The following TRIP12 variants were observed in gnomAD, a reference collection of about 807,000 sequenced individuals.
TRIP12 encodes thyroid hormone receptor interactor 12.
Under a neutral mutation model 244.2 loss-of-function variants are expected in TRIP12, and 25 were observed. The observed-to-expected ratio is 0.10, with a 90% CI of 0.07 to 0.14. TRIP12 has a LOEUF of 0.14. Ranked by LOEUF, TRIP12 falls within the 10% of genes least tolerant of loss-of-function variation. TRIP12 has a pLI of 1.00. For synonymous variants in TRIP12, 905 were observed against 873.1 expected, an observed-to-expected ratio of 1.04 and a Z score of -0.64; for missense variants, 1,677 against 2,486.4, an observed-to-expected ratio of 0.67 and a Z score of 6.92.
In TRIP12 at chr2:229,799,267, T is replaced by C; in HGVS notation, c.3307+16A>G. 6.2e-7 allele frequency: 1 copy of C among 1,612,288 alleles called. No individual in the cohort carries two copies. Among genetic ancestry groups the C allele is most frequent in the Non-Finnish European group, 8.5e-7 (1 of 1,178,320 alleles). ...CCCTCCCCTTTACCTCCCCATAGTTTCATCAAAGGGGTTACCTTGATTGTC... is the reference window on the plus strand; with the variant it reads ...CCCTCCCCTTTACCTCCCCATAGTTCCATCAAAGGGGTTACCTTGATTGTC... On this transcript the variant is annotated intron_variant, in intron 22 of 41. Transcript: ENST00000675903.
chr2:229,824,831 A>C (rs1362863519), intron 8 of TRIP12, among the ~76,000 whole-genome samples: 1 of 152,262 alleles, frequency 6.6e-6, no homozygotes, highest in Non-Finnish European at 1.5e-5. Context: ...TGAGAGGAAG[A>C]AGCAGGGAAA....
intron 1 of TRIP12, among the ~76,000 whole-genome samples, chr2:229,894,983 C>T (rs13014061): frequency 6.6e-6 from 1 of 152,010 alleles, no homozygotes; most frequent in Non-Finnish European, 1.5e-5. Flanking sequence ...AAATGCTACA[C>T]ATAATCTAAG....
At chr2:229,780,720 C>A (rs1202939468) in intron 34 of TRIP12, among the ~76,000 whole-genome samples, 1 of 152,218 alleles carries the variant, frequency 6.6e-6, no homozygotes, top group Non-Finnish European at 1.5e-5. Flanking sequence ...TCAGACTGCC[C>A]TACGCATCCC....
chr2:229,889,867 T>TG, intron 1 of TRIP12, among the ~76,000 whole-genome samples: 1 of 152,266 alleles, frequency 6.6e-6, no homozygotes, highest in Middle Eastern at 3.4e-3. Flanking sequence ...AGAAACCTCC[T>TG]GGCTAAGAAT....
Position 229,767,690 on chromosome 2 carries a change from T to C in TRIP12, c.6068A>G (p.Asn2023Ser), listed in dbSNP as rs1052204696. 1 of 1,614,022 alleles carries C rather than the reference T, an allele frequency of 6.2e-7. No homozygotes were observed. Among genetic ancestry groups the C allele is most frequent in the Admixed American group, 1.7e-5 (1 of 60,006 alleles). The part of the protein sequence containing the change: ...IVRKTFESTE[N>S]PDDFLPSVMT... ...TACAGAGGGCAAGAAGTCATCTGGG[T>C]TTTCTGTTGATTCAAACGTCTTTCG... Residue 2023 changes from asparagine to serine, a missense_variant, in exon 42 of 42, where the codon AAC becomes AGC. Coordinates refer to ENST00000675903, the MANE Select transcript of TRIP12 (RefSeq NM_001348323.3).
chr2:229,784,512 AG>A (rs2039379626), intron 34 of TRIP12, among the ~76,000 whole-genome samples: 2 of 84,276 alleles, frequency 2.4e-5, no homozygotes, highest in South Asian at 3.8e-4. Flanking sequence ...AGCACAAACA[AG>A]AAAAAAAAAA....
intron 4 of TRIP12, among the ~76,000 whole-genome samples, chr2:229,849,859 T>G (rs1470787557): frequency 1.3e-5 from 2 of 152,052 alleles, no homozygotes; most frequent in Non-Finnish European, 2.9e-5. Flanking sequence ...AAAAAAGGTC[T>G]TATATAACTC....
intron 27 of TRIP12, 78 bp from the exon 28 acceptor site, chr2:229,792,304 A>G (rs2041741544): frequency 7.5e-7 from 1 of 1,336,016 alleles, no homozygotes; most frequent in African/African-American, 1.5e-5. Flanking sequence ...CACACTGGTT[A>G]AACATATTCT....
At chr2:229,901,643 G>A (rs986230649) in intron 1 of TRIP12, among the ~76,000 whole-genome samples, 45 of 149,876 alleles carry the variant, frequency 3.0e-4, no homozygotes, top group South Asian at 6.3e-4. Context: ...AATGAGAACC[G>A]AATTTTATTT....
intron 8 of TRIP12, among the ~76,000 whole-genome samples, chr2:229,819,039 ACCAC>A (rs751761315): frequency 9.2e-6 from 1 of 108,504 alleles, no homozygotes; most frequent in Non-Finnish European, 1.8e-5. Context: ...AAAAATAAAA[ACCAC>A]ACACACACAC....
intron 1 of TRIP12, among the ~76,000 whole-genome samples, chr2:229,888,425 G>A (rs1286392897): frequency 6.6e-6 from 1 of 151,944 alleles, no homozygotes; most frequent in Non-Finnish European, 1.5e-5. Context: ...TGAAATATTG[G>A]GAAATGCTAA....
chr2:229,884,769 C>T (rs371407660), intron 1 of TRIP12, among the ~76,000 whole-genome samples: 1 of 152,042 alleles, frequency 6.6e-6, no homozygotes, highest in African/African-American at 2.4e-5. Flanking sequence ...AAGTTTGAGG[C>T]CAGCCCAGGC....
At chr2:229,768,438 G>C (rs2032760450) in intron 41 of TRIP12, among the ~76,000 whole-genome samples, 178 bp downstream of exon 41, 1 of 152,172 alleles carries the variant, frequency 6.6e-6, no homozygotes, top group Admixed American at 6.5e-5. Context: ...ACTTCAATAT[G>C]TTTAAGACAA....
In TRIP12 at chr2:229,818,573, G is replaced by T; in HGVS notation, c.1451-61C>A. 3.4e-6 allele frequency: 5 copies of T among 1,474,750 alleles called. 1 individual carries two copies. Among genetic ancestry groups the T allele is most frequent in the Non-Finnish European group, 4.6e-6 (5 of 1,083,616 alleles). The allele number at this position is 1,474,750 out of a possible 1,614,324, so 91.4% of individuals were successfully genotyped here. On this transcript the variant is annotated intron_variant, in intron 8 of 41. Transcript: ENST00000675903. ...TTAAGAAAATTATTACTAGGTATAAGGTGTGACTCGAAATGTAATTGGTTG... is the reference window on the plus strand; with the variant it reads ...TTAAGAAAATTATTACTAGGTATAATGTGTGACTCGAAATGTAATTGGTTG...
intron 1 of TRIP12, among the ~76,000 whole-genome samples, chr2:229,919,188 C>T (rs957865947): frequency 2.0e-5 from 3 of 152,070 alleles, no homozygotes; most frequent in Non-Finnish European, 2.9e-5. Context: ...CCAAGGCAGG[C>T]GGATCACCTG....
chr2:229,919,192 T>A (rs2076041383), intron 1 of TRIP12, among the ~76,000 whole-genome samples: 1 of 152,200 alleles, frequency 6.6e-6, no homozygotes, highest in Non-Finnish European at 1.5e-5. Flanking sequence ...GGCAGGCGGA[T>A]CACCTGAGAG....
At chr2:229,846,674 T>TAA (rs11379468) in intron 4 of TRIP12, among the ~76,000 whole-genome samples, 4 of 151,800 alleles carry the variant, frequency 2.6e-5, no homozygotes, top group African/African-American at 9.7e-5. Flanking sequence ...AAAATAAATT[T>TAA]AAAAAAATGA....
chr2:229,765,687 C>T lies in TRIP12; in HGVS notation c.*1867G>A, dbSNP rs2031506938. 6.6e-6 allele frequency: 1 copy of T among 152,178 alleles called. No individual in the cohort carries two copies. Among genetic ancestry groups the T allele is most frequent in the Non-Finnish European group, 1.5e-5 (1 of 68,032 alleles). 9.4% of individuals were successfully genotyped at this position (152,178 alleles called of 1,614,324 possible). ...CAAAATGCTATGTTCACACAAAAAT[C>T]CTTGTGCTTAATTTGCAGGAAGATA... On this transcript the variant is annotated 3_prime_UTR_variant, in exon 42 of 42. Transcript: ENST00000675903.
intron 8 of TRIP12, among the ~76,000 whole-genome samples, chr2:229,825,105 C>CT (rs1418075183): frequency 6.6e-6 from 1 of 152,082 alleles, no homozygotes; most frequent in African/African-American, 2.4e-5. Context: ...TGTAAAAACA[C>CT]TTTTTAACTT....
Sources: allele counts gnomAD v4.1 joint callset (sites outside exome capture counted in the v4.1 genomes callset), GRCh38; gene constraint gnomAD v4.1.1; transcripts MANE v1.5; gene names NCBI Gene and HGNC (gene_info 2026-07-23, HGNC 2026-07-21).